Variants in MFSD6 observed in about 807,000 individuals in gnomAD.
MFSD6 encodes the protein major facilitator superfamily domain containing 6, also known as major facilitator superfamily domain-containing protein 6.
A neutral mutation model predicts 56.3 loss-of-function variants in MFSD6; 26 were observed. That is an observed-to-expected ratio of 0.46 (90% confidence interval 0.34 to 0.64). The LOEUF (loss-of-function observed/expected upper bound fraction) is 0.64, where lower values mean the gene tolerates loss of function less well. MFSD6 is among the 30% of genes least tolerant of loss of function. The probability of loss-of-function intolerance (pLI) is 0.01; values close to 1 mark genes in which losing one functional copy is unlikely to be tolerated. For synonymous variants in MFSD6, 331 were observed against 366.9 expected, an observed-to-expected ratio of 0.90 and a Z score of 1.12; for missense variants, 750 against 986.2, an observed-to-expected ratio of 0.76 and a Z score of 3.21.
At chr2:190,409,958 C>T (rs1690488042) in intron 1 of MFSD6, among the ~76,000 whole-genome samples, 1 of 152,120 alleles carries the variant, frequency 6.6e-6, no homozygotes, top group Non-Finnish European at 1.5e-5. Context: ...TCTGGGGAAA[C>T]AGGAGGAGAG....
At position 190,410,077 on chromosome 2, in the gene MFSD6, G is replaced by A. The variant is rs1690493307; in HGVS notation, c.-176+1574G>A. 1.3e-5 allele frequency among the ~76,000 whole-genome samples: 2 copies of A among 152,154 alleles called. No homozygotes were observed. The highest frequency in any genetic ancestry group is 4.8e-5 in the African/African-American group (2 of 41,424). ...CATCTCTATACAAATAAATATAAAAGCGTGAAGGCAAATAAAACACAAAGA... is the reference window on the plus strand; with the variant it reads ...CATCTCTATACAAATAAATATAAAAACGTGAAGGCAAATAAAACACAAAGA... On this transcript the variant is annotated intron_variant, in intron 1 of 7. Transcript: ENST00000392328. The surrounding 1 kb of genome is among the most constrained non-coding windows in gnomAD (Gnocchi z 4.4).
rs139756970 is a variant in MFSD6 at position 190,417,762 on chromosome 2, T to A, written c.-54+2349T>A. ...TACCCTGGAATAGTTTTCCCACTCATCTTTGCCTGTGAATCCTGCCCATCT... is the reference window on the plus strand; with the variant it reads ...TACCCTGGAATAGTTTTCCCACTCAACTTTGCCTGTGAATCCTGCCCATCT... On this transcript the variant is annotated intron_variant, in intron 2 of 7. Coordinates refer to ENST00000392328, the MANE Select transcript of MFSD6 (RefSeq NM_017694.4). This position sits in a 1 kb window ranked among gnomAD's most constrained non-coding sequence, Gnocchi z 5.7. Among the ~76,000 whole-genome samples, 27 of 152,206 alleles carry A rather than the reference T, an allele frequency of 1.8e-4. No homozygotes were observed. The highest frequency in any genetic ancestry group is 3.4e-3 in the Middle Eastern group (1 of 294).
rs780904232 is a variant in MFSD6 at position 190,423,502 on chromosome 2, G to T, written c.-54+8089G>T. Among the ~76,000 whole-genome samples, 3 of 152,152 alleles carry T rather than the reference G, an allele frequency of 2.0e-5. No homozygotes were observed. The highest frequency in any genetic ancestry group is 2.9e-5 in the Non-Finnish European group (2 of 68,030). ...TTGCTGCATAATATCCCATAGTAAAGCTGTAGTACAATTTGTTTAATTAGT... is the reference window on the plus strand; with the variant it reads ...TTGCTGCATAATATCCCATAGTAAATCTGTAGTACAATTTGTTTAATTAGT... On this transcript the variant is annotated intron_variant, in intron 2 of 7. Coordinates refer to ENST00000392328, the MANE Select transcript of MFSD6 (RefSeq NM_017694.4). The surrounding 1 kb of genome is among the most constrained non-coding windows in gnomAD (Gnocchi z 4.3).
chr2:190,436,593 C>A lies in MFSD6; in HGVS notation c.564C>A (p.Phe188Leu). ...ILPTNSSFTS[F>L]LTISPKMREK... is the part of the protein sequence containing the mutation. ...CAACAAATTCTTCCTTTACCTCTTT[C>A]CTCACCATATCACCAAAAATGCGTG... Residue 188 changes from phenylalanine (F) to leucine (L), a missense_variant, in exon 3 of 8, where the codon TTC becomes TTA. Around this residue, in one of 5 missense-constraint regions of MFSD6, gnomAD observed 376 missense variants for 437.9 expected, o/e 0.86. Coordinates refer to ENST00000392328, the MANE Select transcript of MFSD6 (RefSeq NM_017694.4). The surrounding 1 kb of genome is among the most constrained non-coding windows in gnomAD (Gnocchi z 5.3). The A allele has an allele frequency of 6.2e-7, 1 of 1,614,242 alleles. No individual in the cohort carries two copies.
chr2:190,429,309 G>A (rs1344040168), intron 2 of MFSD6, among the ~76,000 whole-genome samples: 1 of 151,330 alleles, frequency 6.6e-6, no homozygotes. Flanking sequence ...AATCTTTAAT[G>A]GTAGCTTATG....
intron 2 of MFSD6, among the ~76,000 whole-genome samples, chr2:190,427,219 C>T (rs1405206473): frequency 6.6e-6 from 1 of 152,212 alleles, no homozygotes; most frequent in Non-Finnish European, 1.5e-5. Flanking sequence ...ATACTGTGGC[C>T]TCATTACTGC....
intron 4 of MFSD6, among the ~76,000 whole-genome samples, chr2:190,483,647 C>T (rs937991083): frequency 1.3e-5 from 2 of 151,926 alleles, no homozygotes; most frequent in Non-Finnish European, 2.9e-5. Flanking sequence ...CCATCCTGGC[C>T]AACATGGTGA....
In MFSD6 at chr2:190,434,580, C is replaced by T. The variant is rs577777223; in HGVS notation, c.-53-1397C>T. 8.0e-4 allele frequency among the ~76,000 whole-genome samples: 122 copies of T among 152,252 alleles called. No homozygotes were observed. Among genetic ancestry groups the T allele is most frequent in the African/African-American group, 2.7e-3 (113 of 41,550 alleles). On this transcript the variant is annotated intron_variant, in intron 2 of 7. Transcript: ENST00000392328. This position sits in a 1 kb window ranked among gnomAD's most constrained non-coding sequence, Gnocchi z 4.3. The stretch of plus-strand genomic sequence containing the variant: ...CTTCCCAAGTAGCTGGGACTACATG[C>T]GTGCCACCAGGCCCAGCTAATTCTT...
chr2:190,416,539 G>T lies in MFSD6; in HGVS notation c.-54+1126G>T, dbSNP rs919379001. On this transcript the variant is annotated intron_variant, in intron 2 of 7. Transcript: ENST00000392328. The surrounding 1 kb of genome is among the most constrained non-coding windows in gnomAD (Gnocchi z 4.1). Reference sequence around the variant, plus strand: ...CCTCACAGGCCCCCATCAGGCTGTAGACATGAAAACAGACATGAACATAAA... The same window carrying T: ...CCTCACAGGCCCCCATCAGGCTGTATACATGAAAACAGACATGAACATAAA... 2.0e-5 allele frequency among the ~76,000 whole-genome samples: 3 copies of T among 152,160 alleles called. No homozygotes were observed. The highest frequency in any genetic ancestry group is 7.2e-5 in the African/African-American group (3 of 41,450).
Position 190,487,784 on chromosome 2 carries a change from G to A in MFSD6, c.1631-873G>A, listed in dbSNP as rs563214194. Among the ~76,000 whole-genome samples, 1 of 152,314 alleles carries A rather than the reference G, an allele frequency of 6.6e-6. No individual in the cohort carries two copies. The highest frequency in any genetic ancestry group is 2.4e-5 in the African/African-American group (1 of 41,562). Reference sequence around the variant, plus strand: ...GTGGAGAAATTGGATCTCTCATACAGTTCAGGTGGGAATGTAAAATGGTAC... The same window carrying A: ...GTGGAGAAATTGGATCTCTCATACAATTCAGGTGGGAATGTAAAATGGTAC... On this transcript the variant is annotated intron_variant, in intron 4 of 7. Coordinates refer to ENST00000392328, the MANE Select transcript of MFSD6 (RefSeq NM_017694.4). This position sits in a 1 kb window ranked among gnomAD's most constrained non-coding sequence, Gnocchi z 5.5.
chr2:190,429,227 C>CGTGTGTGT lies in MFSD6; in HGVS notation c.-53-6735_-53-6728dup, dbSNP rs34375122. ...ATATATCTGTATAATTCTTTTGTTA[C>CGTGTGTGT]GTGTGTGTGTGTGTGTGTGTGTATA... On this transcript the variant is annotated intron_variant, in intron 2 of 7. Transcript: ENST00000392328. Among the ~76,000 whole-genome samples the CGTGTGTGT allele has an allele frequency of 2.6e-3, 390 of 148,912 alleles. 2 individuals are homozygous for CGTGTGTGT. Among genetic ancestry groups the CGTGTGTGT allele is most frequent in the Non-Finnish European group, 4.2e-3 (279 of 67,138 alleles).
At chr2:190,481,662 G>A (rs1377414850) in intron 4 of MFSD6, among the ~76,000 whole-genome samples, 1 of 152,208 alleles carries the variant, frequency 6.6e-6, no homozygotes, top group African/African-American at 2.4e-5. Flanking sequence ...TATTTTCAAA[G>A]CCTAGCAGGC....
intron 2 of MFSD6, among the ~76,000 whole-genome samples, chr2:190,429,850 T>C (rs1183830280): frequency 6.6e-6 from 1 of 152,206 alleles, no homozygotes; most frequent in Non-Finnish European, 1.5e-5. Flanking sequence ...CTTGTTCTTT[T>C]TTTTTCTTTA....
In MFSD6 at chr2:190,412,329, T is replaced by G; in HGVS notation, c.-175-2963T>G. 1.0e-6 allele frequency: 1 copy of G among 984,158 alleles called. No individual in the cohort carries two copies. The highest frequency in any genetic ancestry group is 1.2e-6 in the Non-Finnish European group (1 of 828,752). 61.0% of individuals were successfully genotyped at this position (984,158 alleles called of 1,614,324 possible). A position where few individuals can be genotyped will look rare whatever the true frequency, so the allele number is the denominator to read the frequency against. ...TTGTAAAAGTATTTTACAGAAGAGA[T>G]ATTCTCACAATTTTAGGTATTATCC... On this transcript the variant is annotated intron_variant, in intron 1 of 7. Transcript: ENST00000392328. The surrounding 1 kb of genome is among the most constrained non-coding windows in gnomAD (Gnocchi z 4.1).
intron 2 of MFSD6, among the ~76,000 whole-genome samples, chr2:190,427,829 T>G (rs1323162792): frequency 6.6e-6 from 1 of 152,118 alleles, no homozygotes; most frequent in Non-Finnish European, 1.5e-5. Context: ...CCTCCTGGGT[T>G]CAAGCGATTC....
intron 3 of MFSD6, among the ~76,000 whole-genome samples, chr2:190,449,418 G>A (rs1686694476): frequency 6.6e-6 from 1 of 152,030 alleles, no homozygotes; most frequent in Non-Finnish European, 1.5e-5. Flanking sequence ...AGGTTGCAGT[G>A]AGCCGAGATG....
At position 190,436,418 on chromosome 2, in the gene MFSD6, A is replaced by G. The variant is rs1686177465; in HGVS notation, c.389A>G (p.Lys130Arg). The G allele has an allele frequency of 6.2e-7, 1 of 1,614,240 alleles. No individual in the cohort carries two copies. The highest frequency in any genetic ancestry group is 8.5e-7 in the Non-Finnish European group (1 of 1,180,054). Residue 130 changes from lysine (K) to arginine (R), a missense_variant, in exon 3 of 8, where the codon AAA becomes AGA. Physicochemically the swap from Lys to Arg is conservative, Grantham distance 26. Coordinates refer to ENST00000392328, the MANE Select transcript of MFSD6 (RefSeq NM_017694.4). This position sits in a 1 kb window ranked among gnomAD's most constrained non-coding sequence, Gnocchi z 5.3. ...GGTGTAGTTGCAGACCGCTTTAAAA[A>G]AGGCAAAATTGTCCTCCTCTTTTCT... Reference protein sequence around the residue: ...FWGVVADRFKKGKIVLLFSLL... With the variant: ...FWGVVADRFKRGKIVLLFSLL...
At chr2:190,407,837 A>G (rs1690363999), upstream of MFSD6, among the ~76,000 whole-genome samples, 2 of 152,056 alleles carry the variant, frequency 1.3e-5, no homozygotes, top group African/African-American at 4.8e-5. This position sits in a 1 kb window ranked among gnomAD's most constrained non-coding sequence, Gnocchi z 5.4. Flanking sequence ...CGCGGAGATA[A>G]CGCACTGACA....
rs1346820677 is a variant in MFSD6, at chr2:190,457,791, T to C, written c.1533-11967T>C. On this transcript the variant is annotated intron_variant, in intron 3 of 7. Transcript: ENST00000392328. This position sits in a 1 kb window ranked among gnomAD's most constrained non-coding sequence, Gnocchi z 5.1. Reference sequence around the variant, plus strand: ...GCAGTTATGACCACTCCTGAGAAAGTCCACCTCAACTATGCATGTGCCCTG... The same window carrying C: ...GCAGTTATGACCACTCCTGAGAAAGCCCACCTCAACTATGCATGTGCCCTG... Among the ~76,000 whole-genome samples, 1 of 152,212 alleles carries C rather than the reference T, an allele frequency of 6.6e-6. No homozygotes were observed. The highest frequency in any genetic ancestry group is 1.5e-5 in the Non-Finnish European group (1 of 68,050).
Sources: gnomAD v4.1 joint callset for allele counts (sites outside exome capture counted in the v4.1 genomes callset) on GRCh38, gnomAD v4.1.1 for gene constraint, gnomAD v4.1.1 regional missense constraint, Gnocchi (gnomAD v3.1) non-coding constraint, MANE v1.5 for transcripts, NCBI Gene and HGNC (gene_info 2026-07-23, HGNC 2026-07-21) for gene names.